Variants in BMAL2 observed in about 807,000 individuals in gnomAD.
BMAL2 encodes basic helix-loop-helix ARNT like 2.
the BMAL2 span, among the ~76,000 whole-genome samples, chr12:27,360,121 G>A: frequency 4.0e-5 from 6 of 151,270 alleles, no homozygotes; most frequent in Admixed American, 2.6e-4. Context: ...GCACTGAGAA[G>A]GGCACAGCAT....
chr12:27,336,410 G>A, the BMAL2 span, among the ~76,000 whole-genome samples: 3 of 152,136 alleles, frequency 2.0e-5, no homozygotes, highest in East Asian at 5.8e-4. Flanking sequence ...GGAACTAAGA[G>A]CCTTCAGTGT....
At chr12:27,401,560 A>G in the BMAL2 span, 1 of 1,607,800 alleles carries the variant, frequency 6.2e-7, no homozygotes, top group East Asian at 2.2e-5. Context: ...ACAGATTCCT[A>G]CAAATTCAGA....
chr12:27,348,270 T>C, the BMAL2 span, among the ~76,000 whole-genome samples: 1 of 152,192 alleles, frequency 6.6e-6, no homozygotes, highest in Admixed American at 6.5e-5. Flanking sequence ...CTGTTCTCTC[T>C]TTGGCTTTTT....
the BMAL2 span, among the ~76,000 whole-genome samples, chr12:27,405,510 A>G: frequency 6.6e-6 from 1 of 152,316 alleles, no homozygotes; most frequent in South Asian, 2.1e-4. Context: ...ACCTTCAGCA[A>G]ACTCCAACAC....
At chr12:27,379,772 A>AACC in the BMAL2 span, among the ~76,000 whole-genome samples, 175 of 152,302 alleles carry the variant, frequency 1.1e-3, no homozygotes, top group Non-Finnish European at 1.9e-3. Flanking sequence ...GGAAGACGGT[A>AACC]GCAAGAACAA....
At chr12:27,371,297 A>G in the BMAL2 span, among the ~76,000 whole-genome samples, 1 of 152,208 alleles carries the variant, frequency 6.6e-6, no homozygotes, top group Non-Finnish European at 1.5e-5. Flanking sequence ...GCAGTGAGCT[A>G]TGGTCACGCC....
the BMAL2 span, among the ~76,000 whole-genome samples, chr12:27,406,912 T>C: frequency 6.6e-6 from 1 of 151,504 alleles, no homozygotes; most frequent in Non-Finnish European, 1.5e-5. Context: ...ACCAAGCAAA[T>C]GGAAAACAAA....
the BMAL2 span, among the ~76,000 whole-genome samples, chr12:27,371,021 A>G: frequency 6.6e-6 from 1 of 152,226 alleles, no homozygotes; most frequent in Non-Finnish European, 1.5e-5. Context: ...ACACAAAGGT[A>G]CGAGAAACTT....
At chr12:27,381,630 C>T in the BMAL2 span, among the ~76,000 whole-genome samples, 1 of 152,104 alleles carries the variant, frequency 6.6e-6, no homozygotes, top group Non-Finnish European at 1.5e-5. Context: ...GATTATTATT[C>T]GACATGAGAT....
At chr12:27,416,503 A>T in the BMAL2 span, among the ~76,000 whole-genome samples, 1 of 152,228 alleles carries the variant, frequency 6.6e-6, no homozygotes, top group Admixed American at 6.5e-5. Context: ...TATATACAAA[A>T]ATTACTAAAC....
the BMAL2 span, among the ~76,000 whole-genome samples, chr12:27,342,199 A>G: frequency 3.3e-5 from 5 of 152,202 alleles, no homozygotes; most frequent in Non-Finnish European, 5.9e-5. Context: ...TGGCCTCCCA[A>G]AGTACTGGGA....
chr12:27,359,940 C>T, the BMAL2 span, among the ~76,000 whole-genome samples: 1 of 150,404 alleles, frequency 6.6e-6, no homozygotes, highest in African/African-American at 2.5e-5. Flanking sequence ...GTAGTCCCAG[C>T]TACTTAGGAG....
the BMAL2 span, among the ~76,000 whole-genome samples, chr12:27,345,696 T>C: frequency 6.6e-6 from 1 of 152,024 alleles, no homozygotes; most frequent in Non-Finnish European, 1.5e-5. Context: ...AGAAATGGGA[T>C]TTTGTCATGT....
At chr12:27,378,425 T>C in the BMAL2 span, among the ~76,000 whole-genome samples, 1 of 152,188 alleles carries the variant, frequency 6.6e-6, no homozygotes, top group African/African-American at 2.4e-5. Context: ...GAAGAAAGAA[T>C]AGGATTTCTC....
chr12:27,335,365 A>T, the BMAL2 span, among the ~76,000 whole-genome samples: 1 of 152,188 alleles, frequency 6.6e-6, no homozygotes. Context: ...GGGTAGGAAG[A>T]GGGCAGTCTT....
the BMAL2 span, chr12:27,415,948 G>A: frequency 6.4e-7 from 1 of 1,557,882 alleles, no homozygotes; most frequent in Admixed American, 1.7e-5. Flanking sequence ...CTGCAGGAGT[G>A]TAAGTATACT....
chr12:27,422,426 T>A, the BMAL2 span: 1 of 152,362 alleles, frequency 6.6e-6, no homozygotes, highest in African/African-American at 2.4e-5. Flanking sequence ...CTGTCAGACA[T>A]GTTAATGACA....
the BMAL2 span, among the ~76,000 whole-genome samples, chr12:27,334,796 A>G: frequency 6.6e-6 from 1 of 152,272 alleles, no homozygotes; most frequent in Non-Finnish European, 1.5e-5. Context: ...GCCCGCAGGT[A>G]TGAGTACCTA....
At chr12:27,399,095 T>G in the BMAL2 span, among the ~76,000 whole-genome samples, 2 of 152,004 alleles carry the variant, frequency 1.3e-5, no homozygotes, top group Non-Finnish European at 2.9e-5. Context: ...TTTTGTAATT[T>G]AGGGCATCTG....
Sources: allele counts gnomAD v4.1 joint callset (sites outside exome capture counted in the v4.1 genomes callset), GRCh38; gene constraint gnomAD v4.1.1; transcripts MANE v1.5; gene names NCBI Gene and HGNC (gene_info 2026-07-23, HGNC 2026-07-21).